Variants in WIPI2 observed in about 807,000 individuals in gnomAD.
WIPI2 encodes WD repeat domain, phosphoinositide interacting 2, also known as WD repeat domain phosphoinositide-interacting protein 2.
Under a neutral mutation model 52.3 loss-of-function variants are expected in WIPI2, and 28 were observed. That is an observed-to-expected ratio of 0.54 (90% CI 0.40 to 0.73). The LOEUF is 0.73. Ranked by LOEUF, WIPI2 falls within the 30% of genes least tolerant of loss-of-function variation. The pLI is 0.00. For missense variants in WIPI2, 506 were observed against 602.9 expected (o/e 0.84, Z 1.68); for synonymous variants, 268 against 245.0 (o/e 1.09, Z -0.88).
At chr7:5,190,517 A>AGTCGGG (rs1223389641) in intron 1 of WIPI2, 24 bp downstream of exon 1, 15 of 1,474,366 alleles carry the variant, frequency 1.0e-5, no homozygotes, top group African/African-American at 1.5e-5. Context: ...CGGGGGTCGG[A>AGTCGGG]GTCGGGGTGA....
intron 1 of WIPI2, among the ~76,000 whole-genome samples, chr7:5,192,389 G>C (rs759578375): frequency 6.6e-6 from 1 of 152,168 alleles, no homozygotes; most frequent in African/African-American, 2.4e-5. Flanking sequence ...CACTCTTTCA[G>C]TTTTTCACTA....
chr7:5,195,105 A>T (rs1781681631), intron 2 of WIPI2, among the ~76,000 whole-genome samples: 2 of 152,182 alleles, frequency 1.3e-5, no homozygotes, highest in South Asian at 4.1e-4. Flanking sequence ...GCACAGTTGA[A>T]GGTGGGGATA....
intron 6 of WIPI2, chr7:5,217,405 A>G (rs904085099): frequency 1.4e-4 from 76 of 547,452 alleles, no homozygotes; most frequent in Admixed American, 5.6e-4. Flanking sequence ...CCTGGGCTCA[A>G]TTGATCCTCC....
At chr7:5,207,297 A>G (rs1311139117) in intron 3 of WIPI2, among the ~76,000 whole-genome samples, 11 of 152,184 alleles carry the variant, frequency 7.2e-5, no homozygotes, top group Admixed American at 7.2e-4. Flanking sequence ...AAGTTCTCTC[A>G]TACTTCCTTC....
Position 5,217,153 on chromosome 7 carries a change from T to A in WIPI2, c.542T>A (p.Ile181Asn). ...CYLAYPGSAT[I>N]GEVQVFDTIN... is the part of the protein sequence containing the mutation. ...TTGGCGTACCCAGGGAGCGCGACCATCGGAGAGGTGCAGGTCTTCGATACC... is the reference window on the plus strand; with the variant it reads ...TTGGCGTACCCAGGGAGCGCGACCAACGGAGAGGTGCAGGTCTTCGATACC... The change falls in exon 6 of 13, where the codon ATC becomes AAC. Residue 181 changes from isoleucine to asparagine, a missense_variant. Ile to Asn is a moderately radical substitution (Grantham distance 149). Coordinates refer to ENST00000288828, the MANE Select transcript of WIPI2 (RefSeq NM_015610.4). 10 of 1,614,114 alleles carry A rather than the reference T, an allele frequency of 6.2e-6. No individual in the cohort carries two copies. Among genetic ancestry groups the A allele is most frequent in the Non-Finnish European group, 8.5e-6 (10 of 1,180,014 alleles).
At chr7:5,192,994 C>G (rs527745161) in intron 1 of WIPI2, 124 bp from the exon 2 acceptor site, 16 of 876,434 alleles carry the variant, frequency 1.8e-5, no homozygotes, top group East Asian at 5.1e-5. Flanking sequence ...ACTGTCCTGC[C>G]TTTCTTTACT....
intron 8 of WIPI2, among the ~76,000 whole-genome samples, chr7:5,223,121 TC>T (rs1353316863): frequency 6.6e-6 from 1 of 152,174 alleles, no homozygotes; most frequent in Non-Finnish European, 1.5e-5. Context: ...TCTCTTGTCT[TC>T]CTCCCTCCAG....
At chr7:5,228,543 C>G (rs1043484340) in intron 11 of WIPI2, among the ~76,000 whole-genome samples, 1 of 152,160 alleles carries the variant, frequency 6.6e-6, no homozygotes, top group African/African-American at 2.4e-5. Context: ...GGTGGAGTTT[C>G]GCATTTGGAA....
intron 4 of WIPI2, chr7:5,216,070 G>C (rs1421323118): frequency 6.5e-6 from 1 of 154,770 alleles, no homozygotes; most frequent in Non-Finnish European, 1.4e-5. Flanking sequence ...TAGAGATGGG[G>C]TGAGTATGAG....
chr7:5,203,874 C>G (rs1782161898), intron 3 of WIPI2, among the ~76,000 whole-genome samples: 1 of 152,086 alleles, frequency 6.6e-6, no homozygotes, highest in Admixed American at 6.6e-5. Context: ...CCACCCGCCT[C>G]AGCCTCCCAA....
At chr7:5,213,410 A>C (rs1177293075) in intron 3 of WIPI2, 1 of 152,690 alleles carries the variant, frequency 6.5e-6, no homozygotes, top group African/African-American at 2.4e-5. Flanking sequence ...CGCGTAGGTC[A>C]GCGAGGGGCC....
At position 5,230,990 on chromosome 7, in the gene WIPI2, C is replaced by T. The variant is rs1783701445; in HGVS notation, c.*43C>T. On this transcript the variant is annotated 3_prime_UTR_variant, in exon 13 of 13. Transcript: ENST00000288828. This position sits in a 1 kb window ranked among gnomAD's most constrained non-coding sequence, Gnocchi z 4.8. ...TGACCCGGGGAGCAGAGAACACTGG[C>T]TTCACAGAGGACTTTGTGCATTGCT... 1.9e-6 allele frequency: 3 copies of T among 1,550,186 alleles called. No individual in the cohort carries two copies. The highest frequency in any genetic ancestry group is 2.6e-6 in the Non-Finnish European group (3 of 1,135,060).
intron 3 of WIPI2, among the ~76,000 whole-genome samples, chr7:5,209,967 G>A (rs1010841650): frequency 6.6e-6 from 1 of 151,998 alleles, no homozygotes; most frequent in South Asian, 2.1e-4. Context: ...GAGTCTGGTG[G>A]TGCCATCTCG....
At chr7:5,209,384 A>C (rs995612067) in intron 3 of WIPI2, among the ~76,000 whole-genome samples, 1 of 152,160 alleles carries the variant, frequency 6.6e-6, no homozygotes, top group African/African-American at 2.4e-5. Context: ...GAAGAGATCA[A>C]ATATCTTCAC....
chr7:5,204,348 T>C (rs1375564895), intron 3 of WIPI2, among the ~76,000 whole-genome samples: 1 of 152,096 alleles, frequency 6.6e-6, no homozygotes, highest in East Asian at 1.9e-4. Flanking sequence ...GCTCCTGTAA[T>C]CCCAGCTACT....
intron 11 of WIPI2, 115 bp from the exon 12 acceptor site, chr7:5,229,493 G>T: frequency 7.7e-7 from 1 of 1,294,604 alleles, no homozygotes; most frequent in Non-Finnish European, 1.0e-6. Context: ...TGAATGCCTG[G>T]CGTCCTGTGT....
At position 5,231,272 on chromosome 7, in the gene WIPI2, T is replaced by G. The variant is rs1783711736; in HGVS notation, c.*325T>G. The G allele has an allele frequency of 8.7e-6, 2 of 229,312 alleles. No individual in the cohort carries two copies. Among genetic ancestry groups the G allele is most frequent in the Non-Finnish European group, 1.7e-5 (2 of 117,532 alleles). The allele number at this position is 229,312 out of a possible 1,614,324, so 14.2% of individuals were successfully genotyped here. A position where few individuals can be genotyped will look rare whatever the true frequency, so the allele number is the denominator to read the frequency against. ...ACGTGCCAAGCCAGCATAGGGGAGC[T>G]AGAAGCCACTTTCCAGCCACCTGCC... On this transcript the variant is annotated 3_prime_UTR_variant, in exon 13 of 13. Coordinates refer to ENST00000288828, the MANE Select transcript of WIPI2 (RefSeq NM_015610.4).
intron 3 of WIPI2, among the ~76,000 whole-genome samples, chr7:5,209,534 G>T (rs1437139746): frequency 1.3e-5 from 2 of 152,140 alleles, no homozygotes; most frequent in Admixed American, 1.3e-4. Context: ...TTCTGCATCT[G>T]TTGGGTTGGC....
At chr7:5,219,370 A>G (rs1400686371) in intron 7 of WIPI2, among the ~76,000 whole-genome samples, 1 of 152,200 alleles carries the variant, frequency 6.6e-6, no homozygotes, top group Non-Finnish European at 1.5e-5. Context: ...TTGACTAATC[A>G]AAGTCTCACT....
Sources: allele counts gnomAD v4.1 joint callset (sites outside exome capture counted in the v4.1 genomes callset), GRCh38; gene constraint gnomAD v4.1.1; non-coding constraint Gnocchi (gnomAD v3.1); transcripts MANE v1.5; gene names NCBI Gene and HGNC (gene_info 2026-07-23, HGNC 2026-07-21).